Variants in AP4S1 observed in about 807,000 individuals in gnomAD.
AP4S1 encodes the protein adaptor related protein complex 4 subunit sigma 1.
A neutral mutation model predicts 19.8 loss-of-function variants in AP4S1; 23 were observed. The ratio of observed to expected loss-of-function variants is 1.16; its 90% CI spans 0.84 to 1.65. The LOEUF (loss-of-function observed/expected upper bound fraction) is 1.65, where lower values mean the gene tolerates loss of function less well. Among genes scored for constraint, AP4S1 ranks in the 40% most tolerant of loss-of-function variants. AP4S1 has a pLI of 0.00. For synonymous variants in AP4S1, 46 were observed against 54.1 expected (o/e 0.85, Z 0.66); for missense variants, 166 against 172.8 (o/e 0.96, Z 0.22).
At chr14:31,044,741 T>C (rs562968186) in intron 1 of AP4S1, among the ~76,000 whole-genome samples, 2 of 151,954 alleles carry the variant, frequency 1.3e-5, no homozygotes, top group East Asian at 3.9e-4. Context: ...TGTATATGTT[T>C]ATTTTTAATG....
At chr14:31,061,111 C>T (rs1296839321) in intron 1 of AP4S1, among the ~76,000 whole-genome samples, 2 of 152,088 alleles carry the variant, frequency 1.3e-5, no homozygotes, top group Admixed American at 1.3e-4. Flanking sequence ...GAACTCCTGA[C>T]CTCAAATGAT....
intron 5 of AP4S1, 130 bp downstream of exon 5, chr14:31,080,714 A>T (rs1369604862): frequency 7.6e-7 from 1 of 1,321,900 alleles, no homozygotes; most frequent in Non-Finnish European, 1.1e-6. Context: ...CTATGACAAG[A>T]CAGCCAGAGG....
At chr14:31,081,444 C>A (rs542529422) in intron 5 of AP4S1, among the ~76,000 whole-genome samples, 1 of 152,070 alleles carries the variant, frequency 6.6e-6, no homozygotes, top group African/African-American at 2.4e-5. Context: ...ATCACAATAC[C>A]CAAGGACCCT....
chr14:31,040,742 A>G (rs1885059632), intron 1 of AP4S1, among the ~76,000 whole-genome samples: 1 of 152,112 alleles, frequency 6.6e-6, no homozygotes. Flanking sequence ...TGGTCAGTTT[A>G]CCAAAATGGC....
At chr14:31,047,230 T>C (rs1885459907) in intron 1 of AP4S1, among the ~76,000 whole-genome samples, 1 of 152,174 alleles carries the variant, frequency 6.6e-6, no homozygotes, top group Admixed American at 6.6e-5. Flanking sequence ...TTATATATTC[T>C]AAATCCAAGT....
At chr14:31,062,512 T>A (rs575824736) in intron 1 of AP4S1, among the ~76,000 whole-genome samples, 4 of 152,220 alleles carry the variant, frequency 2.6e-5, no homozygotes, top group Non-Finnish European at 5.9e-5. Context: ...TTTTGCAGCA[T>A]TTAAGTACAT....
intron 1 of AP4S1, among the ~76,000 whole-genome samples, chr14:31,060,001 GTATT>G (rs913321489): frequency 3.6e-5 from 3 of 84,108 alleles, no homozygotes; most frequent in East Asian, 2.3e-4. Context: ...ATATTTATAT[GTATT>G]TATGTATATA....
At chr14:31,067,203 T>A (rs535476062) in intron 2 of AP4S1, among the ~76,000 whole-genome samples, 228 of 70,516 alleles carry the variant, frequency 3.2e-3, no homozygotes, top group African/African-American at 9.9e-3. Flanking sequence ...AGCAAAACTC[T>A]GTCTCAAAAA....
Position 31,085,137 on chromosome 14 carries a change from C to T in AP4S1, c.306+4553C>T, listed in dbSNP as rs181223974. ...TAGAAGGCCCATTCTATGTCTGCTT[C>T]GCCAGCACCCTTTCCCCATCATGGG... On this transcript the variant is annotated intron_variant, in intron 5 of 5. Transcript: ENST00000542754. 1.8e-4 allele frequency: 231 copies of T among 1,268,316 alleles called. No homozygotes were observed. The Middle Eastern group carries it at 3.5e-3, about 19-fold the overall frequency. The allele number at this position is 1,268,316 out of a possible 1,614,324, so 78.6% of individuals were successfully genotyped here. A position where few individuals can be genotyped will look rare whatever the true frequency, so the allele number is the denominator to read the frequency against.
chr14:31,084,877 T>C, intron 5 of AP4S1: 1 of 1,614,226 alleles, frequency 6.2e-7, no homozygotes, highest in Non-Finnish European at 8.5e-7. Flanking sequence ...CACCCCCATC[T>C]ACTGAATAGC....
chr14:31,063,236 G>A (rs1372819741), intron 1 of AP4S1, among the ~76,000 whole-genome samples: 1 of 152,128 alleles, frequency 6.6e-6, no homozygotes, highest in East Asian at 1.9e-4. Flanking sequence ...TTCGAGACCA[G>A]CCTGGACAAC....
At chr14:31,073,786 C>T (rs1432938213) in intron 4 of AP4S1, among the ~76,000 whole-genome samples, 2 of 150,606 alleles carry the variant, frequency 1.3e-5, no homozygotes, top group African/African-American at 4.9e-5. Flanking sequence ...GTGATCCACC[C>T]GCCCGCCTCG....
chr14:31,026,559 A>T (rs1354159829), intron 1 of AP4S1: 1 of 179,912 alleles, frequency 5.6e-6, no homozygotes, highest in Non-Finnish European at 1.2e-5. Context: ...CGCACTGAGA[A>T]CGCAGCCCGG....
intron 1 of AP4S1, among the ~76,000 whole-genome samples, chr14:31,032,727 G>A (rs34527888): frequency 0.072 from 10,919 of 152,028 alleles, 492 homozygotes; most frequent in Non-Finnish European, 0.11. Context: ...GTAGAGACAG[G>A]ATTTCACTAT....
At chr14:31,084,893 G>C (rs987055762) in intron 5 of AP4S1, 16 of 1,614,060 alleles carry the variant, frequency 9.9e-6, no homozygotes, top group African/African-American at 8.0e-5. Context: ...ATAGCCAGGG[G>C]AGGGCACCAA....
At position 31,073,360 on chromosome 14, in the gene AP4S1, G is replaced by C. The variant is rs539811162; in HGVS notation, c.294+387G>C. On this transcript the variant is annotated intron_variant, in intron 4 of 5. Coordinates refer to ENST00000542754, the MANE Select transcript of AP4S1 (RefSeq NM_001128126.3). ...AAAAAATTAGCTGGGCGTGGTGGTG[G>C]GCGCCTGTAGTCCCAGCTACTCCGG... Among the ~76,000 whole-genome samples, 7 of 131,984 alleles carry C rather than the reference G, an allele frequency of 5.3e-5. 1 individual carries two copies. In the South Asian group the frequency reaches 1.5e-3, roughly 28 times the overall value. 86.6% of individuals were successfully genotyped at this position (131,984 alleles called of 152,430 possible).
Position 31,025,851 on chromosome 14 carries a change from C to T in AP4S1, c.-72+64C>T, listed in dbSNP as rs1566502817. 6 of 1,562,824 alleles carry T rather than the reference C, an allele frequency of 3.8e-6. No individual in the cohort carries two copies. The Middle Eastern group carries it at 5.4e-4, about 141-fold the overall frequency. ...TGAGTGGAGTCCCCAGCCCCACCCC[C>T]CGGCCGGGAACCCAGCCGCCGCAGC... On this transcript the variant is annotated intron_variant, in intron 1 of 5. Coordinates refer to ENST00000542754, the MANE Select transcript of AP4S1 (RefSeq NM_001128126.3).
chr14:31,047,703 A>G (rs1276954322), intron 1 of AP4S1, among the ~76,000 whole-genome samples: 1 of 151,968 alleles, frequency 6.6e-6, no homozygotes, highest in African/African-American at 2.4e-5. Context: ...CCTTTGAGAC[A>G]CAATCTTGCT....
chr14:31,049,201 C>T (rs1214130963), intron 1 of AP4S1, among the ~76,000 whole-genome samples: 1 of 151,588 alleles, frequency 6.6e-6, no homozygotes, highest in Non-Finnish European at 1.5e-5. Context: ...ATCATGAGGT[C>T]AGGAGATCGA....
Sources: allele counts gnomAD v4.1 joint callset (sites outside exome capture counted in the v4.1 genomes callset), GRCh38; gene constraint gnomAD v4.1.1; transcripts MANE v1.5; gene names NCBI Gene and HGNC (gene_info 2026-07-23, HGNC 2026-07-21).